GRIA4: variants seen among roughly 807,000 people sequenced by gnomAD.
GRIA4 encodes the protein glutamate receptor 4.
A neutral mutation model predicts 104.0 loss-of-function variants in GRIA4; 34 were observed. The ratio of observed to expected loss-of-function variants is 0.33; its 90% CI spans 0.25 to 0.44. The LOEUF is 0.44. GRIA4 is among the 20% of genes least tolerant of loss of function. The pLI is 1.00. For synonymous variants in GRIA4, 386 were observed against 381.9 expected, an observed-to-expected ratio of 1.01 and a Z score of -0.13; for missense variants, 750 against 1,096.5, an observed-to-expected ratio of 0.68 and a Z score of 4.46.
At chr11:105,913,557 C>A in intron 10 of GRIA4, 1 of 802,200 alleles carries the variant, frequency 1.2e-6, no homozygotes, top group Non-Finnish European at 1.5e-6. Flanking sequence ...TGCAAATAAC[C>A]CAAAGAAGCC....
chr11:105,763,567 A>G (rs1235974032), intron 4 of GRIA4, among the ~76,000 whole-genome samples: 2 of 152,162 alleles, frequency 1.3e-5, no homozygotes, highest in Admixed American at 6.5e-5. Context: ...AGATTTTACT[A>G]TCTAAAGACC....
rs149711489 is a variant in GRIA4 at position 105,753,045 on chromosome 11, T to C, written c.312T>C (p.His104=). 5.0e-4 allele frequency: 799 copies of C among 1,613,636 alleles called. No homozygotes were observed. Among genetic ancestry groups the C allele is most frequent in the Non-Finnish European group, 6.3e-4 (741 of 1,179,610 alleles). The change falls in exon 4 of 17, where the codon CAT becomes CAC. Residue 104 remains histidine (H), a synonymous_variant. Coordinates refer to ENST00000282499, the MANE Select transcript of GRIA4 (RefSeq NM_000829.4). ...IFGLYDKRSV[H]TLTSFCSALH... is the part of the protein sequence containing the mutation. ...GACTCTATGATAAGAGGTCGGTACA[T>C]ACCTTGACCTCATTCTGCAGCGCCT...
intron 3 of GRIA4, among the ~76,000 whole-genome samples, chr11:105,722,126 A>C (rs778139505): frequency 3.9e-5 from 6 of 152,180 alleles, no homozygotes; most frequent in Non-Finnish European, 7.3e-5. Flanking sequence ...GTTAAAAATC[A>C]GATGGTGCTA....
At chr11:105,975,320 A>G (rs541778580) in intron 16 of GRIA4, among the ~76,000 whole-genome samples, 1 of 152,192 alleles carries the variant, frequency 6.6e-6, no homozygotes, top group Non-Finnish European at 1.5e-5. Context: ...AAGATTCAGA[A>G]AAAGATAAAA....
rs144562391 is a variant in GRIA4 at position 105,873,536 on chromosome 11, C to T, written c.672+11328C>T. On this transcript the variant is annotated intron_variant, in intron 5 of 16. Coordinates refer to ENST00000282499, the MANE Select transcript of GRIA4 (RefSeq NM_000829.4). ...CAATGGTTGAACTAATTTACACTCC[C>T]TCCAACAGTGTAAAATTGTTTCCAT... Among the ~76,000 whole-genome samples, 1,122 of 152,268 alleles carry T rather than the reference C, an allele frequency of 7.4e-3. 21 individuals carry two copies. The highest frequency in any genetic ancestry group is 0.025 in the African/African-American group (1,040 of 41,556).
intron 4 of GRIA4, chr11:105,824,682 C>T (rs769992001): frequency 6.6e-6 from 1 of 152,010 alleles, no homozygotes; most frequent in Non-Finnish European, 1.5e-5. Context: ...ATCTGAAGCA[C>T]GATTATTACT....
At chr11:105,813,897 G>A (rs1943274486) in intron 4 of GRIA4, among the ~76,000 whole-genome samples, 1 of 152,154 alleles carries the variant, frequency 6.6e-6, no homozygotes, top group South Asian at 2.1e-4. Context: ...ATGAGAGAGA[G>A]AGTGGGCGGT....
chr11:105,773,459 A>G (rs879805428), intron 4 of GRIA4, among the ~76,000 whole-genome samples: 18 of 152,190 alleles, frequency 1.2e-4, no homozygotes, highest in Non-Finnish European at 2.6e-4. Flanking sequence ...AACTAATATA[A>G]TATCAAATCC....
intron 3 of GRIA4, among the ~76,000 whole-genome samples, chr11:105,616,913 A>G (rs1206837955): frequency 1.3e-5 from 2 of 151,560 alleles, no homozygotes; most frequent in Non-Finnish European, 3.0e-5. Context: ...AGATTGAGAA[A>G]GATATGAGTC....
At chr11:105,872,674 T>G (rs1376979463) in intron 5 of GRIA4, among the ~76,000 whole-genome samples, 1 of 152,098 alleles carries the variant, frequency 6.6e-6, no homozygotes, top group Admixed American at 6.6e-5. Flanking sequence ...AATTCAAGAA[T>G]AGATATCTAC....
At chr11:105,658,850 G>C (rs1041742306) in intron 3 of GRIA4, among the ~76,000 whole-genome samples, 9 of 151,822 alleles carry the variant, frequency 5.9e-5, no homozygotes, top group Non-Finnish European at 1.3e-4. Flanking sequence ...GGAAAGGATA[G>C]GTAGGCGATT....
intron 3 of GRIA4, among the ~76,000 whole-genome samples, chr11:105,630,761 C>T (rs1418172589): frequency 6.6e-6 from 1 of 152,006 alleles, no homozygotes; most frequent in Admixed American, 6.5e-5. Context: ...TTTTTATGGA[C>T]TTCTCCATCT....
rs1049088971 is a variant in GRIA4 at position 105,933,877 on chromosome 11, T to C, written c.2202T>C (p.Ile734=). The stretch of plus-strand genomic sequence containing the variant: ...TGGAGTCCACTATGAATGAATACAT[T>C]GAGCAGCGAAAGCCATGTGACACGA... The part of the protein sequence containing the change: ...FLLESTMNEY[I]EQRKPCDTMK... Residue 734 remains isoleucine, a synonymous_variant, in exon 14 of 17, where the codon ATT becomes ATC. Transcript: ENST00000282499. 1.5e-5 allele frequency: 24 copies of C among 1,613,446 alleles called. No homozygotes were observed. The highest frequency in any genetic ancestry group is 1.8e-5 in the Non-Finnish European group (21 of 1,179,522).
intron 3 of GRIA4, among the ~76,000 whole-genome samples, chr11:105,635,966 G>T (rs1201355747): frequency 6.6e-6 from 1 of 152,186 alleles, no homozygotes; most frequent in East Asian, 1.9e-4. Context: ...AAAACCTAGA[G>T]AGCTGAATAT....
At chr11:105,652,873 G>C (rs1382646373) in intron 3 of GRIA4, among the ~76,000 whole-genome samples, 1 of 152,060 alleles carries the variant, frequency 6.6e-6, no homozygotes, top group Non-Finnish European at 1.5e-5. Flanking sequence ...TCTTACTCTA[G>C]ATCTTAGGAA....
intron 3 of GRIA4, among the ~76,000 whole-genome samples, chr11:105,651,212 G>C (rs974906190): frequency 6.6e-6 from 1 of 151,918 alleles, no homozygotes; most frequent in Non-Finnish European, 1.5e-5. Flanking sequence ...GTATAAAGTG[G>C]CAATCAATGT....
intron 4 of GRIA4, among the ~76,000 whole-genome samples, chr11:105,815,673 AC>A (rs1354260101): frequency 1.4e-5 from 2 of 138,554 alleles, no homozygotes; most frequent in Non-Finnish European, 3.0e-5. Flanking sequence ...ATGAAAAACG[AC>A]CAAAAAAAAA....
chr11:105,618,827 C>T (rs1950665939), intron 3 of GRIA4, among the ~76,000 whole-genome samples: 1 of 151,594 alleles, frequency 6.6e-6, no homozygotes, highest in Non-Finnish European at 1.5e-5. Context: ...TAGGAAGAAC[C>T]AATGTTTGAG....
chr11:105,854,179 C>T (rs894488160), intron 4 of GRIA4, among the ~76,000 whole-genome samples: 2 of 151,964 alleles, frequency 1.3e-5, no homozygotes, highest in Non-Finnish European at 2.9e-5. Flanking sequence ...TGAGTAAAAT[C>T]TAGAGTATAT....
Sources: allele counts gnomAD v4.1 joint callset (sites outside exome capture counted in the v4.1 genomes callset), GRCh38; gene constraint gnomAD v4.1.1; transcripts MANE v1.5; gene names NCBI Gene and HGNC (gene_info 2026-07-23, HGNC 2026-07-21).